The following TACR1 variants were observed in gnomAD, a reference collection of about 807,000 sequenced individuals.
The protein encoded by TACR1 is tachykinin receptor 1.
Under a neutral mutation model 35.8 loss-of-function variants are expected in TACR1, and 25 were observed. The observed-to-expected ratio is 0.70, with a 90% CI of 0.51 to 0.98. The LOEUF (loss-of-function observed/expected upper bound fraction) is 0.98. Ranked by LOEUF, TACR1 falls within the 50% of genes least tolerant of loss-of-function variation. TACR1 has a pLI of 0.00. For missense variants in TACR1, 478 were observed against 522.9 expected, an observed-to-expected ratio of 0.91 and a Z score of 0.84; for synonymous variants, 195 against 206.7, an observed-to-expected ratio of 0.94 and a Z score of 0.48.
intron 2 of TACR1, among the ~76,000 whole-genome samples, chr2:75,060,567 C>T (rs1392463187): frequency 6.6e-6 from 1 of 152,108 alleles, no homozygotes; most frequent in Non-Finnish European, 1.5e-5. Context: ...AGAAGTGCCA[C>T]AAGACTTGGC....
chr2:75,085,373 A>T (rs957541721), intron 2 of TACR1, among the ~76,000 whole-genome samples: 4 of 152,020 alleles, frequency 2.6e-5, no homozygotes, highest in Admixed American at 1.3e-4. Flanking sequence ...GGTGTCCTGC[A>T]ATCATTTCTC....
chr2:75,151,867 A>G (rs545910904), intron 1 of TACR1, among the ~76,000 whole-genome samples: 1 of 150,060 alleles, frequency 6.7e-6, no homozygotes, highest in African/African-American at 2.5e-5. Flanking sequence ...GCCCAAGACC[A>G]TGGGAACCTA....
chr2:75,084,725 A>G (rs371940627), intron 2 of TACR1, among the ~76,000 whole-genome samples: 2,059 of 152,202 alleles, frequency 0.014, 52 homozygotes, highest in African/African-American at 0.047. Context: ...AGAGGTGTTT[A>G]TAGTATTCTC....
At chr2:75,172,609 G>A (rs937336472) in intron 1 of TACR1, among the ~76,000 whole-genome samples, 8 of 151,882 alleles carry the variant, frequency 5.3e-5, no homozygotes, top group Non-Finnish European at 1.0e-4. Context: ...TAGCTCCCCA[G>A]GACAAGAGGC....
chr2:75,092,252 T>C (rs149723527), intron 2 of TACR1, among the ~76,000 whole-genome samples: 162 of 152,194 alleles, frequency 1.1e-3, no homozygotes, highest in South Asian at 9.6e-3. Context: ...CACTGGTTCC[T>C]ACCTCCCATC....
chr2:75,132,878 G>A (rs149493880), intron 1 of TACR1, among the ~76,000 whole-genome samples: 12 of 152,318 alleles, frequency 7.9e-5, no homozygotes, highest in African/African-American at 1.9e-4. Flanking sequence ...TTTCTGCTAC[G>A]AACTCTCAGA....
chr2:75,137,728 C>CAAAAAAAAAAAAAAAAAAAAAAAA (rs11326632), intron 1 of TACR1, among the ~76,000 whole-genome samples: 2 of 47,516 alleles, frequency 4.2e-5, no homozygotes, highest in African/African-American at 8.9e-5. Context: ...GTCTCCGTCT[C>CAAAAAAAAAAAAAAAAAAAAAAAA]AAAAAAAAAA....
At chr2:75,154,642 T>G (rs146200592) in intron 1 of TACR1, 1 of 152,338 alleles carries the variant, frequency 6.6e-6, no homozygotes, top group Non-Finnish European at 1.5e-5. Flanking sequence ...TTCCCAGCTA[T>G]CATTCCCTTT....
chr2:75,084,239 G>A (rs1400445553), intron 2 of TACR1, among the ~76,000 whole-genome samples: 4 of 152,136 alleles, frequency 2.6e-5, no homozygotes, highest in Non-Finnish European at 5.9e-5. Flanking sequence ...TTATTGATTT[G>A]CATCTATTGA....
chr2:75,165,151 A>T (rs1675108932), intron 1 of TACR1, among the ~76,000 whole-genome samples: 1 of 152,210 alleles, frequency 6.6e-6, no homozygotes, highest in African/African-American at 2.4e-5. Context: ...GAAAACCACT[A>T]AGACAAAATA....
chr2:75,196,632 C>T (rs1401234643), intron 1 of TACR1, among the ~76,000 whole-genome samples: 1 of 152,142 alleles, frequency 6.6e-6, no homozygotes, highest in Non-Finnish European at 1.5e-5. Flanking sequence ...CTGCCCAATC[C>T]ACTGTGCGGA....
In TACR1 at chr2:75,199,172, C is replaced by A; in HGVS notation, c.-238G>T. The A allele has an allele frequency of 1.9e-6, 1 of 517,262 alleles. No individual in the cohort carries two copies. Among genetic ancestry groups the A allele is most frequent in the South Asian group, 2.9e-5 (1 of 34,404 alleles). The allele number at this position is 517,262 out of a possible 1,614,324, so 32.0% of individuals were successfully genotyped here. A position where few individuals can be genotyped will look rare whatever the true frequency, so the allele number is the denominator to read the frequency against. On this transcript the variant is annotated 5_prime_UTR_variant, in exon 1 of 5. Transcript: ENST00000305249. ...TCCTCCACTTTCAAGCTTCAGGAGA[C>A]GTTTGAGTTCAGAAGTCTGGAGACA...
At chr2:75,094,859 A>ATATATTTTTTTTTTTTTTTTTTT in intron 2 of TACR1, among the ~76,000 whole-genome samples, 2 of 113,108 alleles carry the variant, frequency 1.8e-5, no homozygotes, top group African/African-American at 9.6e-5. Flanking sequence ...ATATATATAT[A>ATATATTTTTTTTTTTTTTTTTTT]TTTTTTTTTT....
At chr2:75,164,725 T>G (rs1023106301) in intron 1 of TACR1, among the ~76,000 whole-genome samples, 2 of 152,228 alleles carry the variant, frequency 1.3e-5, no homozygotes, top group Non-Finnish European at 2.9e-5. Context: ...ATGACTGTAG[T>G]TACACTGGCT....
In TACR1 at chr2:75,046,653, G is replaced by C. The variant is rs1171746458; in HGVS notation, c.*2779C>G. On this transcript the variant is annotated 3_prime_UTR_variant, in exon 5 of 5. Transcript: ENST00000305249. ...CCTTGTCTCTTAGTGTCCTGTTGGG[G>C]GATAAGGAGGAGAAGGACTCTTGTT... 6.6e-6 allele frequency: 1 copy of C among 152,066 alleles called. No homozygotes were observed. The highest frequency in any genetic ancestry group is 1.5e-5 in the Non-Finnish European group (1 of 68,026). The allele number at this position is 152,066 out of a possible 1,614,324, so 9.4% of individuals were successfully genotyped here. A position where few individuals can be genotyped will look rare whatever the true frequency, so the allele number is the denominator to read the frequency against.
At chr2:75,110,679 G>A (rs548468290) in intron 2 of TACR1, among the ~76,000 whole-genome samples, 1 of 151,898 alleles carries the variant, frequency 6.6e-6, no homozygotes, top group East Asian at 1.9e-4. Flanking sequence ...ACATTAATGT[G>A]CTTGTATAAT....
rs1573453996 is a variant in TACR1 at position 75,048,346 on chromosome 2, A to G, written c.*1086T>C. 1 of 152,234 alleles carries G rather than the reference A, an allele frequency of 6.6e-6. No homozygotes were observed. Among genetic ancestry groups the G allele is most frequent in the Non-Finnish European group, 1.5e-5 (1 of 68,040 alleles). The allele number at this position is 152,234 out of a possible 1,614,324, so 9.4% of individuals were successfully genotyped here. A position where few individuals can be genotyped will look rare whatever the true frequency, so the allele number is the denominator to read the frequency against. The stretch of plus-strand genomic sequence containing the variant: ...TCTTCTCTGACAGTGTTCTGCAGCT[A>G]TGAAATTCTGCCTGCTAAAGCTGGA... On this transcript the variant is annotated 3_prime_UTR_variant, in exon 5 of 5. Coordinates refer to ENST00000305249, the MANE Select transcript of TACR1 (RefSeq NM_001058.4).
chr2:75,151,194 G>T (rs773322659), intron 1 of TACR1, among the ~76,000 whole-genome samples: 1 of 152,228 alleles, frequency 6.6e-6, no homozygotes, highest in Non-Finnish European at 1.5e-5. Flanking sequence ...ATTCAAGCTG[G>T]CTGCAGAAGT....
chr2:75,138,511 T>C (rs1674340968), intron 1 of TACR1, among the ~76,000 whole-genome samples: 1 of 152,184 alleles, frequency 6.6e-6, no homozygotes. Flanking sequence ...AGAAGTTCCA[T>C]TTTCTTGACT....
Sources: gnomAD v4.1 joint callset for allele counts (sites outside exome capture counted in the v4.1 genomes callset) on GRCh38, gnomAD v4.1.1 for gene constraint, MANE v1.5 for transcripts, NCBI Gene and HGNC (gene_info 2026-07-23, HGNC 2026-07-21) for gene names.